Variants in MSL1 observed in about 807,000 individuals in gnomAD.
MSL1 encodes the protein male-specific lethal 1 homolog.
Under a neutral mutation model 64.6 loss-of-function variants are expected in MSL1, and 21 were observed. That is an observed-to-expected ratio of 0.33 (90% CI 0.23 to 0.47). The LOEUF is 0.47. Among genes scored for constraint, MSL1 ranks in the 20% least tolerant of loss-of-function variants. The probability of loss-of-function intolerance (pLI) is 1.00; values close to 1 mark genes in which losing one functional copy is unlikely to be tolerated. For synonymous variants in MSL1, 339 were observed against 329.6 expected (o/e 1.03, Z -0.31); for missense variants, 664 against 793.2 (o/e 0.84, Z 1.96).
In MSL1 at chr17:40,130,983, A is replaced by T. The variant is rs1467440640; in HGVS notation, c.1376-554A>T. ...GGGCATAGTGAAACAAAGGAGTCTA[A>T]TTGGGGAGATCCCAGCCCCTTGAGG... On this transcript the variant is annotated intron_variant, in intron 3 of 8. Coordinates refer to ENST00000398532, the MANE Select transcript of MSL1 (RefSeq NM_001365919.1). The T allele has an allele frequency of 2.0e-5, 3 of 153,266 alleles. No individual in the cohort carries two copies. The East Asian group carries it at 5.8e-4, about 30-fold the overall frequency. The allele number at this position is 153,266 out of a possible 1,614,324, so 9.5% of individuals were successfully genotyped here.
rs777237827 is a variant in MSL1, at chr17:40,123,101, T to C, written c.489T>C (p.Ala163=). 1 of 1,529,436 alleles carries C rather than the reference T, an allele frequency of 6.5e-7. No homozygotes were observed. The highest frequency in any genetic ancestry group is 2.5e-5 in the East Asian group (1 of 40,646). 94.7% of individuals were successfully genotyped at this position (1,529,436 alleles called of 1,614,324 possible). Reference sequence around the variant, plus strand: ...ACAAGGGTGGGGCGGCCTCCCCCGCTGCCACCGCCTCGGACCCGGCGGGAC... The same window carrying C: ...ACAAGGGTGGGGCGGCCTCCCCCGCCGCCACCGCCTCGGACCCGGCGGGAC... The part of the protein sequence containing the change: ...AGDKGGAASP[A]ATASDPAGPP... The change falls in exon 1 of 9, where the codon GCT becomes GCC. Residue 163 remains alanine, a synonymous_variant. Coordinates refer to ENST00000398532, the MANE Select transcript of MSL1 (RefSeq NM_001365919.1).
intron 5 of MSL1, 22 bp downstream of exon 5, chr17:40,132,120 A>G (rs769553526): frequency 5.8e-6 from 9 of 1,544,332 alleles, no homozygotes; most frequent in African/African-American, 2.7e-5. Context: ...AGAGCACTCA[A>G]TTGAAGAGAG....
chr17:40,128,581 C>T (rs1366589133), intron 2 of MSL1, among the ~76,000 whole-genome samples: 1 of 150,926 alleles, frequency 6.6e-6, no homozygotes, highest in African/African-American at 2.4e-5. Context: ...GGGGTTTCAC[C>T]ATATTGACCA....
chr17:40,133,239 T>G, intron 6 of MSL1, 130 bp downstream of exon 6: 1 of 888,340 alleles, frequency 1.1e-6, no homozygotes, highest in African/African-American at 1.7e-5. Context: ...CATTACTGGC[T>G]TCCCAGTTGG....
chr17:40,123,103 C>T lies in MSL1; in HGVS notation c.491C>T (p.Ala164Val), dbSNP rs1203891201. Reference sequence around the variant, plus strand: ...AAGGGTGGGGCGGCCTCCCCCGCTGCCACCGCCTCGGACCCGGCGGGACCC... The same window carrying T: ...AAGGGTGGGGCGGCCTCCCCCGCTGTCACCGCCTCGGACCCGGCGGGACCC... ...GDKGGAASPA[A>V]TASDPAGPPP... is the part of the protein sequence containing the mutation. The change falls in exon 1 of 9, where the codon GCC becomes GTC. Residue 164 changes from alanine to valine, a missense_variant. Transcript: ENST00000398532. 3.9e-6 allele frequency: 6 copies of T among 1,529,510 alleles called. No individual in the cohort carries two copies. The highest frequency in any genetic ancestry group is 5.2e-6 in the Non-Finnish European group (6 of 1,144,344). 94.7% of individuals were successfully genotyped at this position (1,529,510 alleles called of 1,614,324 possible). A position where few individuals can be genotyped will look rare whatever the true frequency, so the allele number is the denominator to read the frequency against.
Position 40,131,417 on chromosome 17 carries a change from C to T in MSL1, c.1376-120C>T. On this transcript the variant is annotated intron_variant, in intron 3 of 8. Coordinates refer to ENST00000398532, the MANE Select transcript of MSL1 (RefSeq NM_001365919.1). The surrounding 1 kb of genome is among the most constrained non-coding windows in gnomAD (Gnocchi z 4.5). Reference sequence around the variant, plus strand: ...CCCCAGAGAGAAATTCTCAAAAGAACAACTCAAAAAACAAAATGGCTTCCT... The same window carrying T: ...CCCCAGAGAGAAATTCTCAAAAGAATAACTCAAAAAACAAAATGGCTTCCT... The T allele has an allele frequency of 3.7e-6, 3 of 820,436 alleles. No homozygotes were observed. Among genetic ancestry groups the T allele is most frequent in the Non-Finnish European group, 2.0e-6 (1 of 497,264 alleles). 50.8% of individuals were successfully genotyped at this position (820,436 alleles called of 1,614,324 possible).
chr17:40,134,402 T>C lies in MSL1; in HGVS notation c.*33T>C, dbSNP rs1988501613. ...GGCAAGAACCCTGTCTTCAGATAGT[T>C]GTAGCATGCCATTCCCGAGAGTGGC... On this transcript the variant is annotated 3_prime_UTR_variant, in exon 9 of 9. Transcript: ENST00000398532. 1.1e-5 allele frequency: 17 copies of C among 1,533,360 alleles called. No individual in the cohort carries two copies. The highest frequency in any genetic ancestry group is 1.4e-5 in the Non-Finnish European group (16 of 1,130,124). 95.0% of individuals were successfully genotyped at this position (1,533,360 alleles called of 1,614,324 possible).
chr17:40,126,158 T>C, intron 1 of MSL1, 25 bp from the exon 2 acceptor site: 3 of 1,606,012 alleles, frequency 1.9e-6, no homozygotes, highest in Non-Finnish European at 2.6e-6. Context: ...GTGTTAAGTC[T>C]GCATTTTGCT....
chr17:40,125,899 T>TAC (rs1254755610), intron 1 of MSL1, among the ~76,000 whole-genome samples: 2 of 152,246 alleles, frequency 1.3e-5, no homozygotes, highest in Admixed American at 1.3e-4. Context: ...AAAGGCATGT[T>TAC]ACGGCCCTTC....
At position 40,131,836 on chromosome 17, in the gene MSL1, A is replaced by G. The variant is rs185993828; in HGVS notation, c.1424-198A>G. On this transcript the variant is annotated intron_variant, in intron 4 of 8. Transcript: ENST00000398532. The surrounding 1 kb of genome is among the most constrained non-coding windows in gnomAD (Gnocchi z 4.5). ...GTGATCCTGAGTTTGGCAGACTGCA[A>G]TGGCATTTTAGGTTCTTTTATACCA... 9.0e-5 allele frequency: 55 copies of G among 612,564 alleles called. No homozygotes were observed. Among genetic ancestry groups the G allele is most frequent in the Admixed American group, 2.3e-4 (8 of 34,216 alleles). The allele number at this position is 612,564 out of a possible 1,614,324, so 37.9% of individuals were successfully genotyped here.
In MSL1 at chr17:40,136,641, G is replaced by C. The variant is rs1988545336; in HGVS notation, c.*2272G>C. ...ATAAATTAAAAAAAATTGCTTGTCT[G>C]TCTACTTCAGCTTTGTTTTATGCCC... On this transcript the variant is annotated 3_prime_UTR_variant, in exon 9 of 9. Coordinates refer to ENST00000398532, the MANE Select transcript of MSL1 (RefSeq NM_001365919.1). 6.6e-6 allele frequency: 1 copy of C among 152,260 alleles called. No individual in the cohort carries two copies. Among genetic ancestry groups the C allele is most frequent in the Non-Finnish European group, 1.5e-5 (1 of 68,012 alleles). The allele number at this position is 152,260 out of a possible 1,614,324, so 9.4% of individuals were successfully genotyped here.
At position 40,136,431 on chromosome 17, in the gene MSL1, T is replaced by C. The variant is rs984372533; in HGVS notation, c.*2062T>C. On this transcript the variant is annotated 3_prime_UTR_variant, in exon 9 of 9. Transcript: ENST00000398532. ...TGATTTGACTTTGTTGAGAAGGAGGTTGGACAGTAGATTAGCAAAGTTCCA... is the reference window on the plus strand; with the variant it reads ...TGATTTGACTTTGTTGAGAAGGAGGCTGGACAGTAGATTAGCAAAGTTCCA... The C allele has an allele frequency of 4.6e-5, 7 of 152,338 alleles. No homozygotes were observed. The highest frequency in any genetic ancestry group is 1.7e-4 in the African/African-American group (7 of 41,442). 9.4% of individuals were successfully genotyped at this position (152,338 alleles called of 1,614,324 possible).
chr17:40,132,838 C>G (rs1567670729), intron 5 of MSL1, among the ~76,000 whole-genome samples: 1 of 151,986 alleles, frequency 6.6e-6, no homozygotes, highest in African/African-American at 2.4e-5. Flanking sequence ...TTTGGAGATT[C>G]TAAAAGGATG....
chr17:40,136,480 A>T lies in MSL1; in HGVS notation c.*2111A>T, dbSNP rs1251439363. ...CAAGTGCAAAATTACAGTGTGTTAG[A>T]GTGTGGGGGGAAAATTAGTCTTATT... On this transcript the variant is annotated 3_prime_UTR_variant, in exon 9 of 9. Coordinates refer to ENST00000398532, the MANE Select transcript of MSL1 (RefSeq NM_001365919.1). The T allele has an allele frequency of 6.6e-6, 1 of 152,342 alleles. No individual in the cohort carries two copies. Among genetic ancestry groups the T allele is most frequent in the Non-Finnish European group, 1.5e-5 (1 of 68,040 alleles). The allele number at this position is 152,342 out of a possible 1,614,324, so 9.4% of individuals were successfully genotyped here.
In MSL1 at chr17:40,122,702, G is replaced by A; in HGVS notation, c.90G>A (p.Ala30=). ...EQRLDYERAA[A]LGGPEDEPGA... is the part of the protein sequence containing the mutation. Reference sequence around the variant, plus strand: ...GACTGGACTACGAGCGGGCTGCGGCGCTGGGCGGGCCCGAGGACGAGCCTG... The same window carrying A: ...GACTGGACTACGAGCGGGCTGCGGCACTGGGCGGGCCCGAGGACGAGCCTG... Residue 30 remains alanine, a synonymous_variant, in exon 1 of 9, where the codon GCG becomes GCA. Transcript: ENST00000398532. This position sits in a 1 kb window ranked among gnomAD's most constrained non-coding sequence, Gnocchi z 4.2. 2 of 1,483,980 alleles carry A rather than the reference G, an allele frequency of 1.3e-6. No individual in the cohort carries two copies. Among genetic ancestry groups the A allele is most frequent in the Non-Finnish European group, 1.8e-6 (2 of 1,124,662 alleles). 91.9% of individuals were successfully genotyped at this position (1,483,980 alleles called of 1,614,324 possible). A position where few individuals can be genotyped will look rare whatever the true frequency, so the allele number is the denominator to read the frequency against.
chr17:40,133,015 G>A (rs1250158410), intron 5 of MSL1, 27 bp from the exon 6 acceptor site: 1 of 1,595,836 alleles, frequency 6.3e-7, no homozygotes. Context: ...GTGATAAATA[G>A]CTTATCAGCT....
At chr17:40,132,005 C>A in intron 4 of MSL1, 29 bp from the exon 5 acceptor site, 1 of 1,540,044 alleles carries the variant, frequency 6.5e-7, no homozygotes, top group East Asian at 2.4e-5. Flanking sequence ...ACCCCTCCTC[C>A]CTTTCTTTTT....
At chr17:40,124,080 C>T (rs556127585) in intron 1 of MSL1, among the ~76,000 whole-genome samples, 14 of 152,076 alleles carry the variant, frequency 9.2e-5, no homozygotes, top group Non-Finnish European at 1.9e-4. Context: ...ACCTCCCCAT[C>T]CTTATTTTAG....
chr17:40,125,320 C>A (rs769422391), intron 1 of MSL1, among the ~76,000 whole-genome samples: 6 of 152,132 alleles, frequency 3.9e-5, no homozygotes, highest in Non-Finnish European at 7.4e-5. Flanking sequence ...GTACTGATTT[C>A]TATTTTCCAA....
Sources: allele counts gnomAD v4.1 joint callset (sites outside exome capture counted in the v4.1 genomes callset), GRCh38; gene constraint gnomAD v4.1.1; non-coding constraint Gnocchi (gnomAD v3.1); transcripts MANE v1.5; gene names NCBI Gene and HGNC (gene_info 2026-07-23, HGNC 2026-07-21).